The following HRNR variants were observed in gnomAD, a reference collection of about 807,000 sequenced individuals.
HRNR encodes filaggrin family member 3.
In HRNR, 7 loss-of-function variants were observed where a neutral mutation model predicts 4.8. That is an observed-to-expected ratio of 1.47 (90% CI 0.83 to 2.75). The LOEUF is 2.75. Ranked by LOEUF, HRNR falls within the 30% of genes most tolerant of loss-of-function variation. The pLI, the probability that HRNR is intolerant of heterozygous loss-of-function variation, is 0.00. For synonymous variants in HRNR, 1,023 were observed against 1,242.7 expected, an observed-to-expected ratio of 0.82 and a Z score of 3.72; for missense variants, 2,879 against 3,010.4, an observed-to-expected ratio of 0.96 and a Z score of 1.02.
rs140309785 is a variant in HRNR, at chr1:152,220,531, A to G, written c.1098T>C (p.Ser366=). The G allele has an allele frequency of 1.3e-4, 216 of 1,611,638 alleles. No homozygotes were observed. Among genetic ancestry groups the G allele is most frequent in the Non-Finnish European group, 1.8e-4 (212 of 1,178,406 alleles). ...CCTGGCTAGAGGAGTGACCTGAGCCAGAACCATGCTTACTATAGCCAGAGG... is the reference window on the plus strand; with the variant it reads ...CCTGGCTAGAGGAGTGACCTGAGCCGGAACCATGCTTACTATAGCCAGAGG... ...GQSSGYSKHG[S]GSGHSSSQGQ... The change falls in exon 3 of 3, where the codon TCT becomes TCC. Residue 366 remains serine, a synonymous_variant. Coordinates refer to ENST00000368801, the MANE Select transcript of HRNR (RefSeq NM_001009931.3).
rs754447956 is a variant in HRNR, at chr1:152,219,282, A to G, written c.2347T>C (p.Ser783Pro). The part of the protein sequence containing the change: ...GHSPSRVRHG[S>P]SSGHSSSHGQ... The stretch of plus-strand genomic sequence containing the variant: ...TGGCTGGAGGAGTGCCCTGAACTGG[A>G]CCCATGTCGGACACGGCTAGGAGAG... The change falls in exon 3 of 3, where the codon TCC becomes CCC. Residue 783 changes from serine (S) to proline (P), a missense_variant. This residue lies in a region of HRNR where 2,646 missense variants were observed against 1,377.7 expected (regional missense o/e 1.92). Coordinates refer to ENST00000368801, the MANE Select transcript of HRNR (RefSeq NM_001009931.3). 1 of 1,612,740 alleles carries G rather than the reference A, an allele frequency of 6.2e-7. No homozygotes were observed. Among genetic ancestry groups the G allele is most frequent in the South Asian group, 1.1e-5 (1 of 91,038 alleles).
intron 2 of HRNR, 66 bp downstream of exon 2, chr1:152,223,050 C>A: frequency 6.7e-7 from 1 of 1,494,588 alleles, no homozygotes; most frequent in Non-Finnish European, 9.3e-7. Context: ...ACATATGTGA[C>A]AAGAAGGTGG....
intron 2 of HRNR, 86 bp from the exon 3 acceptor site, chr1:152,221,576 T>A: frequency 1.9e-6 from 2 of 1,063,648 alleles, no homozygotes; most frequent in Non-Finnish European, 1.4e-6. Context: ...TGTGAAAATG[T>A]AAATGTTTGG....
intron 2 of HRNR, among the ~76,000 whole-genome samples, chr1:152,221,979 G>T (rs1649020916): frequency 6.6e-6 from 1 of 152,108 alleles, no homozygotes; most frequent in African/African-American, 2.4e-5. Flanking sequence ...TAGTTGGCCA[G>T]ATATACAAAC....
In HRNR at chr1:152,218,972, C is replaced by G. The variant is rs762244156; in HGVS notation, c.2657G>C (p.Gly886Ala). The change falls in exon 3 of 3, where the codon GGA becomes GCA. Residue 886 changes from glycine to alanine, a missense_variant. By Grantham distance (60) the Gly-to-Ala change is moderately conservative. Transcript: ENST00000368801. ...GCCGTGGCCTGGAGACTGGCCAGAT[C>G]CAGAGCCATGTCGGCCGCGGCCCGA... ...HASGRGRHGS[G>A]SGQSPGHGQR... 7.5e-6 allele frequency: 12 copies of G among 1,608,596 alleles called. No homozygotes were observed. Among genetic ancestry groups the G allele is most frequent in the African/African-American group, 2.7e-5 (2 of 74,904 alleles).
Position 152,218,893 on chromosome 1 carries a change from G to T in HRNR, c.2736C>A (p.Gly912=), listed in dbSNP as rs199677800. The T allele has an allele frequency of 1.9e-6, 3 of 1,613,366 alleles. No homozygotes were observed. The highest frequency in any genetic ancestry group is 2.2e-5 in the South Asian group (2 of 91,028). ...GGCCACTGCTGGAAGACCGACCGGA[G>T]CCAGACCCATGTCGGCCATAGCTGG... is the stretch of plus-strand genomic sequence containing the variant. ...QSPSYGRHGS[G]SGRSSSSGRH... is the part of the protein sequence containing the mutation. Residue 912 remains glycine, a synonymous_variant, in exon 3 of 3, where the codon GGC becomes GGA. Transcript: ENST00000368801.
Position 152,221,147 on chromosome 1 carries a change from A to G in HRNR, c.482T>C (p.Phe161Ser). The G allele has an allele frequency of 6.2e-7, 1 of 1,614,198 alleles. No individual in the cohort carries two copies. Residue 161 changes from phenylalanine to serine, a missense_variant, in exon 3 of 3, where the codon TTT becomes TCT. Around this residue, in one of 8 missense-constraint regions of HRNR, gnomAD observed 2,646 missense variants for 1,377.7 expected, o/e 1.92. Coordinates refer to ENST00000368801, the MANE Select transcript of HRNR (RefSeq NM_001009931.3). ...ATGTTGGCCAGAAAAGTCTCTTTGA[A>G]AACTCAGTCTTCTGGATATGGATTC... ...GTESISRRLSFQRDFSGQHNS... is the reference protein window; with the variant it reads ...GTESISRRLSSQRDFSGQHNS...
intron 2 of HRNR, among the ~76,000 whole-genome samples, chr1:152,222,442 G>A (rs915640858): frequency 6.6e-6 from 1 of 152,110 alleles, no homozygotes; most frequent in Non-Finnish European, 1.5e-5. Flanking sequence ...CTGAACCAGA[G>A]GACTAATAAT....
chr1:152,221,610 C>G, intron 2 of HRNR, 120 bp from the exon 3 acceptor site: 1 of 724,922 alleles, frequency 1.4e-6, no homozygotes, highest in Admixed American at 2.8e-5. Flanking sequence ...AACTCATTCA[C>G]ACAGTCCTTT....
In HRNR at chr1:152,218,631, C is replaced by G. The variant is rs553143273; in HGVS notation, c.2998G>C (p.Gly1000Arg). ...CTAGGAGACTGGCCAGATCCAGACC[C>G]ATGTTGGCCGTGGCCCAAAGACTGA... is the stretch of plus-strand genomic sequence containing the variant. ...SRQSLGHGQH[G>R]SGSGQSPSPS... The change falls in exon 3 of 3, where the codon GGG becomes CGG. Residue 1000 changes from glycine (G) to arginine (R), a missense_variant. Physicochemically the swap from Gly to Arg is moderately radical, Grantham distance 125 (BLOSUM62 -2). Coordinates refer to ENST00000368801, the MANE Select transcript of HRNR (RefSeq NM_001009931.3). The G allele has an allele frequency of 1.5e-5, 24 of 1,613,364 alleles. No individual in the cohort carries two copies. The African/African-American group carries it at 3.2e-4, about 22-fold the overall frequency.
chr1:152,219,055 G>C lies in HRNR; in HGVS notation c.2574C>G (p.Asp858Glu), dbSNP rs762074164. The C allele has an allele frequency of 3.0e-5, 49 of 1,612,216 alleles. No homozygotes were observed. Among genetic ancestry groups the C allele is most frequent in the Non-Finnish European group, 3.7e-5 (44 of 1,179,544 alleles). Reference protein sequence around the residue: ...SGQSSSSGQHDSSSGQSSSYG... With the variant: ...SGQSSSSGQHESSSGQSSSYG... ...AGCTGGAAGATTGACCTGAGCTAGAGTCATGTTGGCCGGAGCTTGATGACT... is the reference window on the plus strand; with the variant it reads ...AGCTGGAAGATTGACCTGAGCTAGACTCATGTTGGCCGGAGCTTGATGACT... Residue 858 changes from aspartate (D) to glutamate (E), a missense_variant, in exon 3 of 3, where the codon GAC becomes GAG. Coordinates refer to ENST00000368801, the MANE Select transcript of HRNR (RefSeq NM_001009931.3).
In HRNR at chr1:152,220,147, G is replaced by T; in HGVS notation, c.1482C>A (p.His494Gln). The change falls in exon 3 of 3, where the codon CAC becomes CAA. Residue 494 changes from histidine to glutamine, a missense_variant. This residue lies in a region of HRNR where 2,646 missense variants were observed against 1,377.7 expected (regional missense o/e 1.92). Transcript: ENST00000368801. ...GSGHSSGHGQ[H>Q]GSRSGQSSRG... is the part of the protein sequence containing the mutation. ...TAGATGACTGTCCTGACCTAGAGCC[G>T]TGTTGTCCGTGGCCGGAGGAGTGAC... 1 of 1,613,228 alleles carries T rather than the reference G, an allele frequency of 6.2e-7. No individual in the cohort carries two copies. The highest frequency in any genetic ancestry group is 1.1e-5 in the South Asian group (1 of 91,002).
intron 2 of HRNR, among the ~76,000 whole-genome samples, chr1:152,222,854 G>C (rs868222272): frequency 9.2e-5 from 14 of 152,250 alleles, no homozygotes; most frequent in Middle Eastern, 6.8e-3. Flanking sequence ...GGACTGTCTG[G>C]GTTTGTAGGA....
chr1:152,221,022 G>T lies in HRNR; in HGVS notation c.607C>A (p.Pro203Thr), dbSNP rs898492940. 6.2e-7 allele frequency: 1 copy of T among 1,614,114 alleles called. No homozygotes were observed. Among genetic ancestry groups the T allele is most frequent in the African/African-American group, 1.3e-5 (1 of 75,022 alleles). Residue 203 changes from proline to threonine, a missense_variant, in exon 3 of 3, where the codon CCC (proline) becomes ACC (threonine). Transcript: ENST00000368801. ...GQCGSGSGQS[P>T]NYGQHGSGSG... Reference sequence around the variant, plus strand: ...CCAGAGCCGTGTTGGCCATAGTTGGGAGACTGCCCTGACCCAGACCCACAT... The same window carrying T: ...CCAGAGCCGTGTTGGCCATAGTTGGTAGACTGCCCTGACCCAGACCCACAT...
chr1:152,219,294 C>A lies in HRNR; in HGVS notation c.2335G>T (p.Val779Phe). ...TGCCCTGAACTGGACCCATGTCGGA[C>A]ACGGCTAGGAGAGTGGCCAGATCCA... ...GSGSGHSPSR[V>F]RHGSSSGHSS... is the part of the protein sequence containing the mutation. Residue 779 changes from valine to phenylalanine, a missense_variant, in exon 3 of 3, where the codon GTC becomes TTC. This residue lies in a region of HRNR where 2,646 missense variants were observed against 1,377.7 expected (regional missense o/e 1.92). Transcript: ENST00000368801. The A allele has an allele frequency of 6.2e-7, 1 of 1,613,260 alleles. No homozygotes were observed. The highest frequency in any genetic ancestry group is 8.5e-7 in the Non-Finnish European group (1 of 1,179,868).
At chr1:152,222,850 T>C (rs1394169263) in intron 2 of HRNR, among the ~76,000 whole-genome samples, 1 of 152,216 alleles carries the variant, frequency 6.6e-6, no homozygotes, top group African/African-American at 2.4e-5. Flanking sequence ...CTGAGGACTG[T>C]CTGGGTTTGT....
rs150641638 is a variant in HRNR at position 152,219,291 on chromosome 1, G to A, written c.2338C>T (p.Arg780Ter). The A allele has an allele frequency of 2.4e-4, 382 of 1,613,316 alleles. 1 individual carries two copies. The highest frequency in any genetic ancestry group is 2.6e-4 in the Non-Finnish European group (308 of 1,179,946). The change falls in exon 3 of 3, where the codon CGA becomes TGA. Residue 780 changes from arginine (R) to a stop codon, truncating the protein, a stop_gained. Coordinates refer to ENST00000368801, the MANE Select transcript of HRNR (RefSeq NM_001009931.3). LOFTEE classifies it low-confidence loss of function (END_TRUNC). Reference sequence around the variant, plus strand: ...GAGTGCCCTGAACTGGACCCATGTCGGACACGGCTAGGAGAGTGGCCAGAT... The same window carrying A: ...GAGTGCCCTGAACTGGACCCATGTCAGACACGGCTAGGAGAGTGGCCAGAT... ...SGSGHSPSRV[R>*]HGSSSGHSSS...
rs1648481118 is a variant in HRNR at position 152,213,617 on chromosome 1, T to G, written c.8012A>C (p.His2671Pro). 7.8e-7 allele frequency: 1 copy of G among 1,274,602 alleles called. No individual in the cohort carries two copies. The highest frequency in any genetic ancestry group is 1.1e-6 in the Non-Finnish European group (1 of 918,458). 79.0% of individuals were successfully genotyped at this position (1,274,602 alleles called of 1,614,324 possible). A position where few individuals can be genotyped will look rare whatever the true frequency, so the allele number is the denominator to read the frequency against. ...GLGHSSSHGQHGSGSGRSSSR... is the reference protein window; with the variant it reads ...GLGHSSSHGQPGSGSGRSSSR... ...GGAAGAACGACCTGAGCCAGACCCA[T>G]GTTGGCCGTGGCTGGAGGAGTGCCC... Residue 2671 changes from histidine (H) to proline (P), a missense_variant, in exon 3 of 3, where the codon CAT (histidine) becomes CCT (proline). By Grantham distance (77) the His-to-Pro change is moderately conservative. Around this residue, in one of 8 missense-constraint regions of HRNR, gnomAD observed 10 missense variants for 55.2 expected, o/e 0.18. Transcript: ENST00000368801.
In HRNR at chr1:152,219,338, C is replaced by A; in HGVS notation, c.2291G>T (p.Gly764Val). The A allele has an allele frequency of 6.2e-7, 1 of 1,613,564 alleles. No individual in the cohort carries two copies. The highest frequency in any genetic ancestry group is 8.5e-7 in the Non-Finnish European group (1 of 1,179,964). ...QHGSGSHQSS[G>V]HGRQGSGSGH... is the part of the protein sequence containing the mutation. ...AGATCCAGACCCTTGTCGGCCGTGG[C>A]CCGAAGATTGATGGGAGCCCGACCC... The change falls in exon 3 of 3, where the codon GGC (glycine) becomes GTC (valine). Residue 764 changes from glycine to valine, a missense_variant. Physicochemically the swap from Gly to Val is moderately radical, Grantham distance 109 (BLOSUM62 -3). Transcript: ENST00000368801.
Sources: gnomAD v4.1 joint callset for allele counts (sites outside exome capture counted in the v4.1 genomes callset) on GRCh38, gnomAD v4.1.1 for gene constraint, gnomAD v4.1.1 regional missense constraint, MANE v1.5 for transcripts, NCBI Gene and HGNC (gene_info 2026-07-23, HGNC 2026-07-21) for gene names.